Variants in NOS1AP observed in about 807,000 individuals in gnomAD.
NOS1AP encodes the protein carboxyl-terminal PDZ ligand of neuronal nitric oxide synthase protein.
NOS1AP carries 21 observed loss-of-function variants against 56.2 expected under a neutral mutation model. The observed-to-expected ratio is 0.37, with a 90% CI of 0.26 to 0.54. NOS1AP has a LOEUF of 0.54. NOS1AP is among the 20% of genes least tolerant of loss of function. The pLI is 0.84. For missense variants in NOS1AP, 522 were observed against 657.8 expected (o/e 0.79, Z 2.26); for synonymous variants, 270 against 274.6 (o/e 0.98, Z 0.17).
chr1:162,282,855 G>A (rs1654972929), intron 2 of NOS1AP, among the ~76,000 whole-genome samples: 1 of 152,172 alleles, frequency 6.6e-6, no homozygotes, highest in Admixed American at 6.5e-5. Context: ...TCTCCCCTTG[G>A]TGAAGTTGCC....
intron 2 of NOS1AP, among the ~76,000 whole-genome samples, chr1:162,238,121 G>T (rs115419582): frequency 1.3e-5 from 2 of 152,162 alleles, no homozygotes; most frequent in African/African-American, 4.8e-5. Context: ...TTACAGTATG[G>T]TGCAGTGCTT....
chr1:162,239,793 G>C (rs1277598498), intron 2 of NOS1AP, among the ~76,000 whole-genome samples: 1 of 152,222 alleles, frequency 6.6e-6, no homozygotes, highest in Non-Finnish European at 1.5e-5. Flanking sequence ...CAAGTAGGGT[G>C]ATGTTGCAAA....
At chr1:162,083,808 G>A (rs753225660) in intron 1 of NOS1AP, among the ~76,000 whole-genome samples, 9 of 152,150 alleles carry the variant, frequency 5.9e-5, no homozygotes, top group Admixed American at 1.3e-4. Flanking sequence ...ATACAGAGGC[G>A]CAGGCTTATT....
intron 2 of NOS1AP, among the ~76,000 whole-genome samples, chr1:162,279,915 TATC>T (rs1375609643): frequency 6.6e-6 from 1 of 152,154 alleles, no homozygotes; most frequent in Admixed American, 6.5e-5. Context: ...GGAAGTCTCT[TATC>T]ATCCCTGGGC....
chr1:162,279,522 GCTTGAATATTTCCTGCCC>G (rs1362101153), intron 2 of NOS1AP, among the ~76,000 whole-genome samples: 1 of 152,230 alleles, frequency 6.6e-6, no homozygotes, highest in Non-Finnish European at 1.5e-5. Flanking sequence ...ACAGCAACGA[GCTTGAATATTTCCTGCCC>G]CAAAGCCCTC....
At chr1:162,143,780 A>G (rs927320150) in intron 1 of NOS1AP, among the ~76,000 whole-genome samples, 3 of 152,106 alleles carry the variant, frequency 2.0e-5, no homozygotes, top group African/African-American at 7.2e-5. Context: ...TTTGATTCTT[A>G]TGACAACCCT....
Position 162,262,161 on chromosome 1 carries a change from G to A in NOS1AP, c.178-25183G>A, listed in dbSNP as rs115166840. Among the ~76,000 whole-genome samples, 1,266 of 152,236 alleles carry A rather than the reference G, an allele frequency of 8.3e-3. 17 individuals carry two copies. The highest frequency in any genetic ancestry group is 0.029 in the African/African-American group (1,208 of 41,534). On this transcript the variant is annotated intron_variant, in intron 2 of 9. Transcript: ENST00000361897. The stretch of plus-strand genomic sequence containing the variant: ...GGTCCATGATGGGAGTCTGACACCC[G>A]TTTTGGTTTCCTGCAGCCTTTGCTT...
In NOS1AP at chr1:162,180,684, G is replaced by A. The variant is rs77411697; in HGVS notation, c.177+26208G>A. Among the ~76,000 whole-genome samples the A allele has an allele frequency of 8.8e-3, 1,346 of 152,314 alleles. 11 individuals carry two copies. The highest frequency in any genetic ancestry group is 0.014 in the Non-Finnish European group (972 of 68,028). ...AGCTGACAGCCAGCAAGAAAGTGGA[G>A]CCTCAGTCCTGTAGCTGCCGGGAAC... On this transcript the variant is annotated intron_variant, in intron 2 of 9. Coordinates refer to ENST00000361897, the MANE Select transcript of NOS1AP (RefSeq NM_014697.3).
chr1:162,086,088 A>T (rs1691993517), intron 1 of NOS1AP, among the ~76,000 whole-genome samples: 1 of 152,144 alleles, frequency 6.6e-6, no homozygotes, highest in Non-Finnish European at 1.5e-5. Flanking sequence ...GAGCATACTC[A>T]TGGGTGCTGC....
intron 4 of NOS1AP, among the ~76,000 whole-genome samples, chr1:162,321,719 TAA>T (rs201941230): frequency 0.3 from 41,762 of 137,442 alleles, 7,179 homozygotes; most frequent in Middle Eastern, 0.43. Context: ...AAAGTATAAT[TAA>T]AAAAAAAAAA....
intron 2 of NOS1AP, among the ~76,000 whole-genome samples, chr1:162,173,661 C>G (rs1266714785): frequency 1.3e-5 from 2 of 152,128 alleles, no homozygotes; most frequent in Admixed American, 6.5e-5. Context: ...ATTTTTGCAA[C>G]CTACTCATCT....
At chr1:162,191,525 C>A (rs1322574482) in intron 2 of NOS1AP, among the ~76,000 whole-genome samples, 3 of 152,128 alleles carry the variant, frequency 2.0e-5, no homozygotes, top group Non-Finnish European at 4.4e-5. Flanking sequence ...TCCTGTGTTC[C>A]CCCAGGACTC....
At chr1:162,149,499 G>A (rs747387521) in intron 1 of NOS1AP, among the ~76,000 whole-genome samples, 9 of 152,244 alleles carry the variant, frequency 5.9e-5, no homozygotes, top group Admixed American at 5.9e-4. Flanking sequence ...TGTGGAGGTG[G>A]TAATGATTAG....
At chr1:162,085,405 T>C (rs1558091991) in intron 1 of NOS1AP, among the ~76,000 whole-genome samples, 2 of 152,224 alleles carry the variant, frequency 1.3e-5, no homozygotes, top group South Asian at 2.1e-4. Context: ...AGCAGGAAAA[T>C]TTAAGAATCA....
At chr1:162,081,774 A>ATATATATTTTTTTTTTTTTTTTTTTTTTT in intron 1 of NOS1AP, among the ~76,000 whole-genome samples, 24 of 44,010 alleles carry the variant, frequency 5.5e-4, no homozygotes, top group African/African-American at 1.7e-3. Context: ...ATATATATAT[A>ATATATATTTTTTTTTTTTTTTTTTTTTTT]TTTTTTTTTT....
intron 4 of NOS1AP, among the ~76,000 whole-genome samples, chr1:162,324,416 CTTTTT>C (rs35946766): frequency 1.4e-5 from 1 of 72,148 alleles, no homozygotes; most frequent in African/African-American, 4.9e-5. Context: ...GGACACTAGC[CTTTTT>C]TTTTTTTTTT....
chr1:162,268,320 C>G lies in NOS1AP; in HGVS notation c.178-19024C>G, dbSNP rs200207594. On this transcript the variant is annotated intron_variant, in intron 2 of 9. Coordinates refer to ENST00000361897, the MANE Select transcript of NOS1AP (RefSeq NM_014697.3). The stretch of plus-strand genomic sequence containing the variant: ...CTAGTGTGGCCCTGTAGCTCCCCCC[C>G]CCTATTTCTAGAATATTTATTATAA... Among the ~76,000 whole-genome samples, 213 of 143,504 alleles carry G rather than the reference C, an allele frequency of 1.5e-3. 1 individual carries two copies. Among genetic ancestry groups the G allele is most frequent in the Non-Finnish European group, 2.8e-3 (183 of 65,678 alleles). 94.1% of individuals were successfully genotyped at this position (143,504 alleles called of 152,430 possible).
intron 2 of NOS1AP, among the ~76,000 whole-genome samples, chr1:162,259,243 A>G (rs2101702856): frequency 1.3e-5 from 2 of 152,314 alleles, no homozygotes; most frequent in South Asian, 4.1e-4. Flanking sequence ...ACTATCCCAC[A>G]TCCAGAAAGG....
intron 1 of NOS1AP, among the ~76,000 whole-genome samples, chr1:162,082,184 C>T (rs1691910600): frequency 5.9e-5 from 2 of 33,704 alleles, no homozygotes; most frequent in Non-Finnish European, 7.7e-5. Context: ...TGAGAACATG[C>T]AGTATTTGTT....
Sources: gnomAD v4.1 joint callset for allele counts (sites outside exome capture counted in the v4.1 genomes callset) on GRCh38, gnomAD v4.1.1 for gene constraint, MANE v1.5 for transcripts, NCBI Gene and HGNC (gene_info 2026-07-23, HGNC 2026-07-21) for gene names.